The following NKAIN3 variants were observed in gnomAD, a reference collection of about 807,000 sequenced individuals.
NKAIN3 encodes sodium/potassium transporting ATPase interacting 3.
NKAIN3 carries 25 observed loss-of-function variants against 30.2 expected under a neutral mutation model. That is an observed-to-expected ratio of 0.83 (90% CI 0.60 to 1.16). The LOEUF is 1.16. Ranked by LOEUF, NKAIN3 falls within the 50% of genes most tolerant of loss-of-function variation. NKAIN3 has a pLI of 0.00. For missense variants in NKAIN3, 225 were observed against 254.1 expected, an observed-to-expected ratio of 0.89 and a Z score of 0.78; for synonymous variants, 91 against 89.6, an observed-to-expected ratio of 1.02 and a Z score of -0.09.
intron 1 of NKAIN3, among the ~76,000 whole-genome samples, chr8:62,379,953 A>T (rs777735532): frequency 6.6e-6 from 1 of 152,168 alleles, no homozygotes; most frequent in South Asian, 2.1e-4. Flanking sequence ...CAGGTGACAG[A>T]GCTGGTATAT....
chr8:62,366,492 C>G (rs1816745371), intron 1 of NKAIN3, among the ~76,000 whole-genome samples: 1 of 152,190 alleles, frequency 6.6e-6, no homozygotes, highest in South Asian at 2.1e-4. Flanking sequence ...TCCCAAAGTG[C>G]TGGGATTAAA....
intron 1 of NKAIN3, among the ~76,000 whole-genome samples, chr8:62,280,485 C>T (rs555667468): frequency 1.2e-3 from 179 of 152,216 alleles, no homozygotes; most frequent in African/African-American, 4.0e-3. Context: ...AGTTTTTGCC[C>T]ATTCAGTATG....
rs1405409821 is a variant in NKAIN3 at position 62,892,481 on chromosome 8, T to C, written c.472-25972T>C. Among the ~76,000 whole-genome samples, 3 of 152,334 alleles carry C rather than the reference T, an allele frequency of 2.0e-5. No homozygotes were observed. The East Asian group carries it at 5.8e-4, about 29-fold the overall frequency. On this transcript the variant is annotated intron_variant, in intron 4 of 6. Transcript: ENST00000623646. ...ATGAATTAGTTATATCCTTATATTT[T>C]CCAGGCTGTGATTATTAGTACCCTA... is the stretch of plus-strand genomic sequence containing the variant.
At chr8:62,476,654 A>G (rs1443078652) in intron 1 of NKAIN3, among the ~76,000 whole-genome samples, 1 of 151,800 alleles carries the variant, frequency 6.6e-6, no homozygotes, top group African/African-American at 2.4e-5. Flanking sequence ...ACAGGGTTTC[A>G]CCATGTTGGC....
intron 6 of NKAIN3, among the ~76,000 whole-genome samples, chr8:62,963,268 C>T (rs1823621425): frequency 6.6e-6 from 1 of 152,164 alleles, no homozygotes. Flanking sequence ...TTTGAATGCC[C>T]TCTTTCAGAG....
intron 1 of NKAIN3, among the ~76,000 whole-genome samples, chr8:62,484,410 T>G (rs1806835418): frequency 6.6e-6 from 1 of 152,236 alleles, no homozygotes; most frequent in Non-Finnish European, 1.5e-5. Context: ...CTTTCCTCAT[T>G]CACCATTAGT....
At chr8:62,598,331 C>T (rs1162761206) in intron 3 of NKAIN3, among the ~76,000 whole-genome samples, 3 of 151,970 alleles carry the variant, frequency 2.0e-5, no homozygotes, top group Non-Finnish European at 4.4e-5. Flanking sequence ...AAAGCTGCCC[C>T]CTGTGGGTGT....
At chr8:62,831,630 C>T (rs1239249138) in intron 4 of NKAIN3, among the ~76,000 whole-genome samples, 1 of 151,922 alleles carries the variant, frequency 6.6e-6, no homozygotes, top group African/African-American at 2.4e-5. Flanking sequence ...GAAAGAATTT[C>T]AGAGCTTGAA....
At chr8:62,939,643 C>T (rs1356584728) in intron 5 of NKAIN3, among the ~76,000 whole-genome samples, 2 of 151,964 alleles carry the variant, frequency 1.3e-5, no homozygotes, top group African/African-American at 4.8e-5. Context: ...AATTTTGTAT[C>T]CAACAAAACC....
intron 4 of NKAIN3, among the ~76,000 whole-genome samples, chr8:62,821,857 T>G (rs760755836): frequency 1.8e-4 from 26 of 147,712 alleles, no homozygotes; most frequent in Non-Finnish European, 3.2e-4. Flanking sequence ...AAATGTAAAA[T>G]TGGGAAAATA....
Position 62,698,590 on chromosome 8 carries a change from C to G in NKAIN3, c.274-48342C>G, listed in dbSNP as rs1037116643. ...ATGGAGTTCTTACCAAATTTAATTC[C>G]TCAGAATTACGCTACATATACTCTA... On this transcript the variant is annotated intron_variant, in intron 3 of 6. Transcript: ENST00000623646. Among the ~76,000 whole-genome samples, 5 of 152,240 alleles carry G rather than the reference C, an allele frequency of 3.3e-5. No homozygotes were observed. The South Asian group carries it at 1.0e-3, about 32-fold the overall frequency.
At chr8:62,824,920 A>G (rs1818972527) in intron 4 of NKAIN3, among the ~76,000 whole-genome samples, 1 of 152,234 alleles carries the variant, frequency 6.6e-6, no homozygotes, top group South Asian at 2.1e-4. Context: ...GACAGGGTCA[A>G]CACAATACTT....
At chr8:62,684,281 G>C (rs951696643) in intron 3 of NKAIN3, among the ~76,000 whole-genome samples, 1 of 152,202 alleles carries the variant, frequency 6.6e-6, no homozygotes. Flanking sequence ...CAGATGTCCA[G>C]CTAGGGAAGA....
rs575332573 is a variant in NKAIN3 at position 62,868,868 on chromosome 8, G to A, written c.472-49585G>A. Reference sequence around the variant, plus strand: ...ATAGACTGCAAGTGATGGATCTACAGCAGGATGAAGACTTCTGAATTAGCA... The same window carrying A: ...ATAGACTGCAAGTGATGGATCTACAACAGGATGAAGACTTCTGAATTAGCA... On this transcript the variant is annotated intron_variant, in intron 4 of 6. Coordinates refer to ENST00000623646, the MANE Select transcript of NKAIN3 (RefSeq NM_001304533.3). 2.6e-5 allele frequency among the ~76,000 whole-genome samples: 4 copies of A among 152,238 alleles called. No homozygotes were observed. The East Asian group carries it at 7.7e-4, about 29-fold the overall frequency.
intron 3 of NKAIN3, among the ~76,000 whole-genome samples, chr8:62,730,879 T>A (rs1480168464): frequency 6.6e-6 from 1 of 152,202 alleles, no homozygotes; most frequent in African/African-American, 2.4e-5. Context: ...TGCGTTTATT[T>A]TTAAGTATTA....
intron 1 of NKAIN3, among the ~76,000 whole-genome samples, chr8:62,506,695 G>A (rs1478082145): frequency 2.0e-5 from 3 of 151,836 alleles, no homozygotes; most frequent in African/African-American, 4.8e-5. Flanking sequence ...GGCTGGTCTC[G>A]AACTCCTGAC....
chr8:62,841,296 C>A (rs184654004), intron 4 of NKAIN3, among the ~76,000 whole-genome samples: 1 of 151,792 alleles, frequency 6.6e-6, no homozygotes, highest in East Asian at 1.9e-4. Context: ...ATATATATCC[C>A]TTCCCTTGCT....
chr8:62,863,963 G>T, intron 4 of NKAIN3: 2 of 837,150 alleles, frequency 2.4e-6, no homozygotes, highest in Non-Finnish European at 4.2e-6. Context: ...GGTGGTGGTG[G>T]AGGTGGAGGA....
chr8:62,770,975 A>G (rs1816989698), intron 4 of NKAIN3, among the ~76,000 whole-genome samples: 1 of 152,284 alleles, frequency 6.6e-6, no homozygotes, highest in South Asian at 2.1e-4. Context: ...ACAACAAAAA[A>G]TGAGACATGC....
Sources: allele counts gnomAD v4.1 joint callset (sites outside exome capture counted in the v4.1 genomes callset), GRCh38; gene constraint gnomAD v4.1.1; transcripts MANE v1.5; gene names NCBI Gene and HGNC (gene_info 2026-07-23, HGNC 2026-07-21).